LIMS1: variants seen among roughly 807,000 people sequenced by gnomAD.
LIMS1 encodes the protein LIM and senescent cell antigen-like-containing domain protein 1.
Under a neutral mutation model 44.1 loss-of-function variants are expected in LIMS1, and 18 were observed. The observed-to-expected ratio is 0.41, with a 90% CI of 0.28 to 0.61. LIMS1 has a LOEUF of 0.61. Among genes scored for constraint, LIMS1 ranks in the 20% least tolerant of loss-of-function variants. LIMS1 has a pLI of 0.32. For missense variants in LIMS1, 201 were observed against 422.0 expected (o/e 0.48, Z 4.59); for synonymous variants, 93 against 149.1 (o/e 0.62, Z 2.74).
chr2:108,627,071 A>G (rs1688617847), intron 1 of LIMS1, among the ~76,000 whole-genome samples: 1 of 152,202 alleles, frequency 6.6e-6, no homozygotes, highest in African/African-American at 2.4e-5. Flanking sequence ...CTGTTGTGTT[A>G]CAGTTGCCTA....
At chr2:108,616,499 C>T (rs1048058558) in intron 1 of LIMS1, among the ~76,000 whole-genome samples, 4 of 152,202 alleles carry the variant, frequency 2.6e-5, no homozygotes, top group Non-Finnish European at 1.5e-5. Context: ...GCGTGAGCCA[C>T]CACACTGGCC....
intron 1 of LIMS1, chr2:108,588,615 C>A: frequency 2.0e-6 from 2 of 984,972 alleles, no homozygotes; most frequent in Non-Finnish European, 2.4e-6. Context: ...TTGCCTAAAT[C>A]AGCCAAACAC....
intron 2 of LIMS1, among the ~76,000 whole-genome samples, chr2:108,664,525 T>C (rs1185517848): frequency 6.6e-6 from 1 of 152,234 alleles, no homozygotes; most frequent in African/African-American, 2.4e-5. Context: ...AACAGGCTTA[T>C]TGTATTCGTT....
At chr2:108,681,874 G>A (rs1302625763) in intron 9 of LIMS1, among the ~76,000 whole-genome samples, 4 of 150,800 alleles carry the variant, frequency 2.7e-5, no homozygotes, top group African/African-American at 4.9e-5. Context: ...TTGGGCGACA[G>A]AGTGAGACTC....
chr2:108,578,682 C>T (rs1381800545), intron 1 of LIMS1, among the ~76,000 whole-genome samples: 1 of 151,292 alleles, frequency 6.6e-6, no homozygotes, highest in African/African-American at 2.4e-5. Flanking sequence ...CAAGCTCCAC[C>T]TCCCAGGTTC....
In LIMS1 at chr2:108,580,254, G is replaced by T. The variant is rs74467069; in HGVS notation, c.32+45660G>T. 5.0e-3 allele frequency among the ~76,000 whole-genome samples: 767 copies of T among 152,218 alleles called. 6 individuals are homozygous for T. The highest frequency in any genetic ancestry group is 0.018 in the African/African-American group (728 of 41,538). ...TGCTCTGAGTTGACTTCCTCTAACTGCAGGGTGTTAGTCTCTACTCAGATT... is the reference window on the plus strand; with the variant it reads ...TGCTCTGAGTTGACTTCCTCTAACTTCAGGGTGTTAGTCTCTACTCAGATT... On this transcript the variant is annotated intron_variant, in intron 1 of 9. Coordinates refer to ENST00000544547, the Ensembl canonical transcript of LIMS1.
intron 1 of LIMS1, among the ~76,000 whole-genome samples, chr2:108,578,019 C>T (rs1484067814): frequency 6.6e-6 from 1 of 152,210 alleles, no homozygotes; most frequent in East Asian, 1.9e-4. Context: ...AAGTGATTCT[C>T]CTGCCTCAGC....
chr2:108,583,659 C>T (rs1376434678), intron 1 of LIMS1, among the ~76,000 whole-genome samples: 1 of 149,114 alleles, frequency 6.7e-6, no homozygotes, highest in African/African-American at 2.5e-5. Context: ...TCAGAATAGT[C>T]TGTGGAAAGC....
At chr2:108,564,062 A>AG (rs1288910029) in intron 1 of LIMS1, among the ~76,000 whole-genome samples, 3 of 147,554 alleles carry the variant, frequency 2.0e-5, no homozygotes, top group Non-Finnish European at 3.0e-5. Context: ...AAAAAAAAAA[A>AG]GGAAAAGGAA....
intron 1 of LIMS1, among the ~76,000 whole-genome samples, chr2:108,630,560 G>A (rs1049520130): frequency 3.3e-5 from 5 of 152,136 alleles, no homozygotes; most frequent in African/African-American, 1.2e-4. Flanking sequence ...TTTGAAATAC[G>A]TATCATGACG....
At chr2:108,603,137 A>T (rs1268126328) in intron 1 of LIMS1, among the ~76,000 whole-genome samples, 1 of 152,170 alleles carries the variant, frequency 6.6e-6, no homozygotes, top group African/African-American at 2.4e-5. Context: ...TCAGGGTAAC[A>T]CTGGCCTTGT....
At chr2:108,583,696 G>GTTTATT in intron 1 of LIMS1, among the ~76,000 whole-genome samples, 1 of 90,762 alleles carries the variant, frequency 1.1e-5, no homozygotes, top group Non-Finnish European at 2.3e-5. Context: ...TGTTGTTGCT[G>GTTTATT]TTTCTTTTTT....
intron 6 of LIMS1, among the ~76,000 whole-genome samples, chr2:108,676,378 A>C (rs1339127184): frequency 5.3e-5 from 8 of 152,112 alleles, no homozygotes; most frequent in Non-Finnish European, 1.2e-4. Context: ...GCTCACCTCT[A>C]TTCTCTTTTT....
exon 10 of LIMS1, chr2:108,685,803 T>C (rs904423018): frequency 6.6e-6 from 1 of 152,214 alleles, no homozygotes. Context: ...ATGCTATGAA[T>C]ATAGGCAACA....
At chr2:108,553,774 A>T (rs545579408) in intron 1 of LIMS1, among the ~76,000 whole-genome samples, 1 of 152,312 alleles carries the variant, frequency 6.6e-6, no homozygotes, top group East Asian at 1.9e-4. Flanking sequence ...ACTCTGTTGG[A>T]CATTAGAGTA....
chr2:108,633,177 T>C (rs569990965), intron 1 of LIMS1, among the ~76,000 whole-genome samples: 85 of 152,292 alleles, frequency 5.6e-4, no homozygotes, highest in African/African-American at 2.0e-3. Context: ...TTCTTACTAA[T>C]TGATTTGGTG....
chr2:108,550,486 G>A (rs536446818), intron 1 of LIMS1, among the ~76,000 whole-genome samples: 8 of 150,216 alleles, frequency 5.3e-5, no homozygotes, highest in South Asian at 2.1e-4. Context: ...GTGACAGAGC[G>A]AGACTCCATC....
intron 1 of LIMS1, among the ~76,000 whole-genome samples, chr2:108,586,731 C>G (rs1360084720): frequency 1.3e-5 from 2 of 152,128 alleles, no homozygotes; most frequent in Non-Finnish European, 2.9e-5. Context: ...AGCTGCCTTC[C>G]TAGAGGGAAT....
At chr2:108,647,681 A>G (rs1373647485) in intron 1 of LIMS1, among the ~76,000 whole-genome samples, 1 of 152,232 alleles carries the variant, frequency 6.6e-6, no homozygotes, top group Non-Finnish European at 1.5e-5. Flanking sequence ...AATAAACGTA[A>G]TCCATCACAT....
Sources: gnomAD v4.1 joint callset for allele counts (sites outside exome capture counted in the v4.1 genomes callset) on GRCh38, gnomAD v4.1.1 for gene constraint, MANE v1.5 for transcripts, NCBI Gene and HGNC (gene_info 2026-07-23, HGNC 2026-07-21) for gene names.